The following HPS5 variants were observed in gnomAD, a reference collection of about 807,000 sequenced individuals.
HPS5 encodes the protein HPS5 biogenesis of lysosomal organelles complex 2 subunit 2.
Under a neutral mutation model 128.0 loss-of-function variants are expected in HPS5, and 83 were observed. That is an observed-to-expected ratio of 0.65 (90% CI 0.54 to 0.78). The LOEUF (loss-of-function observed/expected upper bound fraction) is 0.78. Among genes scored for constraint, HPS5 ranks in the 30% least tolerant of loss-of-function variants. The pLI is 0.00. For synonymous variants in HPS5, 475 were observed against 470.2 expected, an observed-to-expected ratio of 1.01 and a Z score of -0.13; for missense variants, 1,281 against 1,326.2, an observed-to-expected ratio of 0.97 and a Z score of 0.53.
chr11:18,317,510 C>T (rs1257174571), intron 2 of HPS5, among the ~76,000 whole-genome samples: 1 of 152,112 alleles, frequency 6.6e-6, no homozygotes, highest in African/African-American at 2.4e-5. Context: ...CCCACCTCAG[C>T]CTCCCAAAGT....
At chr11:18,280,867 G>A (rs1858808114) in intron 22 of HPS5, among the ~76,000 whole-genome samples, 1 of 152,184 alleles carries the variant, frequency 6.6e-6, no homozygotes, top group Admixed American at 6.5e-5. Flanking sequence ...GTAGAACTGT[G>A]GTTGCCAGGG....
chr11:18,314,760 G>C (rs1366858378), intron 2 of HPS5, among the ~76,000 whole-genome samples: 3 of 151,964 alleles, frequency 2.0e-5, no homozygotes, highest in Admixed American at 6.6e-5. Context: ...GAATGCAGTG[G>C]AGCTATCACA....
Position 18,308,967 on chromosome 11 carries a change from G to A in HPS5, c.590C>T (p.Ser197Phe). Residue 197 changes from serine to phenylalanine, a missense_variant, in exon 6 of 23, where the codon TCC becomes TTC. By Grantham distance (155) the Ser-to-Phe change is radical. Coordinates refer to ENST00000349215, the MANE Select transcript of HPS5 (RefSeq NM_181507.2). ...ATACCTCTCAGTGTCACACAAGAAG[G>A]ATCGAGTAAGTGAAGATATAAGTAG... is the stretch of plus-strand genomic sequence containing the variant. ...GRLLISSLTR[S>F]FLCDTEREKF... 1 of 1,614,042 alleles carries A rather than the reference G, an allele frequency of 6.2e-7. No individual in the cohort carries two copies. Among genetic ancestry groups the A allele is most frequent in the Non-Finnish European group, 8.5e-7 (1 of 1,179,938 alleles).
In HPS5 at chr11:18,282,100, AT is replaced by A. The variant is rs780126821; in HGVS notation, c.3178del (p.Ile1060SerfsTer10). Reference sequence around the variant, plus strand: ...CAGAAGTGCCACATTCTCCACATTGATGGGGGAAGGCCCATCACTGAGGCTC... The same window carrying A: ...CAGAAGTGCCACATTCTCCACATTGAGGGGGAAGGCCCATCACTGAGGCTC... ...NGSLSDGPSP[I>X]NVENVALLLA... is the part of the protein sequence containing the mutation. On this transcript the variant is annotated frameshift_variant, in exon 22 of 23. Transcript: ENST00000349215. LOFTEE classifies it high-confidence loss of function. 6.2e-7 allele frequency: 1 copy of A among 1,614,090 alleles called. No individual in the cohort carries two copies. The highest frequency in any genetic ancestry group is 8.5e-7 in the Non-Finnish European group (1 of 1,180,008).
Position 18,306,353 on chromosome 11 carries a change from A to T in HPS5, c.612-6T>A. ...CAATTTTCCAAAACTTTTCTCTAAC[A>T]TCCAGAAAGGAAGAGAAAGCAGATT... On this transcript the variant is annotated splice_region_variant and splice_polypyrimidine_tract_variant and intron_variant, in intron 6 of 22. Transcript: ENST00000349215. The T allele has an allele frequency of 3.1e-6, 5 of 1,602,762 alleles. No homozygotes were observed. Among genetic ancestry groups the T allele is most frequent in the Non-Finnish European group, 4.3e-6 (5 of 1,169,784 alleles).
rs201951687 is a variant in HPS5, at chr11:18,296,064, C to G, written c.1569G>C (p.Pro523=). 3.1e-6 allele frequency: 5 copies of G among 1,613,108 alleles called. No homozygotes were observed. In the Admixed American group the frequency reaches 8.3e-5, roughly 27 times the overall value. ...FETDKNETFL[P]FGIPLPFRSP... ...AACGAAATGGTAATGGAATGCCGAA[C>G]GGGAGAAAAGTTTCATTCTTATCTG... The change falls in exon 13 of 23, where the codon CCG becomes CCC. Residue 523 remains proline, a synonymous_variant. Transcript: ENST00000349215.
At chr11:18,289,645 C>T (rs1047341782) in intron 16 of HPS5, among the ~76,000 whole-genome samples, 1 of 152,014 alleles carries the variant, frequency 6.6e-6, no homozygotes, top group African/African-American at 2.4e-5. Flanking sequence ...AACTATAGAT[C>T]CATGTTTCTA....
At chr11:18,280,693 A>G (rs1207742290) in intron 22 of HPS5, 2 of 621,400 alleles carry the variant, frequency 3.2e-6, no homozygotes, top group East Asian at 2.9e-5. Context: ...ATACAACGGA[A>G]TATTATTCAG....
rs532068307 is a variant in HPS5, at chr11:18,287,766, T to C, written c.2562-76A>G. On this transcript the variant is annotated intron_variant, in intron 17 of 22. Transcript: ENST00000349215. ...AACTTGGTTACATTTAGGTTACTTA[T>C]TACAAATGAAAATAAATATACTAAC... 12 of 1,590,004 alleles carry C rather than the reference T, an allele frequency of 7.5e-6. 1 individual carries two copies. In the South Asian group the frequency reaches 7.8e-5, roughly 10 times the overall value.
intron 5 of HPS5, 142 bp from the exon 6 acceptor site, chr11:18,309,221 G>T: frequency 6.4e-6 from 5 of 779,454 alleles, no homozygotes; most frequent in South Asian, 1.7e-5. Flanking sequence ...TTGCTTGTAA[G>T]GATATCAAAG....
At chr11:18,293,631 T>G (rs1289789813) in intron 14 of HPS5, among the ~76,000 whole-genome samples, 1 of 152,092 alleles carries the variant, frequency 6.6e-6, no homozygotes, top group Non-Finnish European at 1.5e-5. Flanking sequence ...AAAGAGTAAG[T>G]TGAACACCAA....
chr11:18,291,296 G>C, intron 16 of HPS5, 146 bp downstream of exon 16: 1 of 541,476 alleles, frequency 1.8e-6, no homozygotes, highest in Non-Finnish European at 3.3e-6. Context: ...ACTATTAAAA[G>C]TTAAAATGAA....
In HPS5 at chr11:18,297,694, A is replaced by G. The variant is rs541990664; in HGVS notation, c.1188T>C (p.Asp396=). The G allele has an allele frequency of 9.9e-6, 16 of 1,614,144 alleles. No individual in the cohort carries two copies. Among genetic ancestry groups the G allele is most frequent in the African/African-American group, 8.0e-5 (6 of 75,074 alleles). ...ASRARKTLTA[D]KLEHLKSQLD... is the part of the protein sequence containing the mutation. ...GCTGAGATTTCAAATGCTCCAATTTATCTGCAGTCAAAGTTTTTCTTGCCT... is the reference window on the plus strand; with the variant it reads ...GCTGAGATTTCAAATGCTCCAATTTGTCTGCAGTCAAAGTTTTTCTTGCCT... Residue 396 remains aspartate (D), a synonymous_variant, in exon 11 of 23, where the codon GAT becomes GAC. Coordinates refer to ENST00000349215, the MANE Select transcript of HPS5 (RefSeq NM_181507.2).
chr11:18,313,071 A>G (rs1279846063), intron 2 of HPS5, among the ~76,000 whole-genome samples: 4 of 152,350 alleles, frequency 2.6e-5, no homozygotes, highest in East Asian at 1.9e-4. Context: ...GGGCAGTAGC[A>G]AAAGTATAAA....
chr11:18,314,977 G>T (rs1863447537), intron 2 of HPS5, among the ~76,000 whole-genome samples: 1 of 152,162 alleles, frequency 6.6e-6, no homozygotes, highest in Non-Finnish European at 1.5e-5. Context: ...TGGGATTACA[G>T]GCATGAGCCA....
At chr11:18,280,741 A>T (rs1564920966) in intron 22 of HPS5, 1 of 544,244 alleles carries the variant, frequency 1.8e-6, no homozygotes, top group Admixed American at 3.4e-5. Context: ...ATGCTACAAC[A>T]TGGATAAACC....
intron 14 of HPS5, 91 bp downstream of exon 14, chr11:18,294,929 G>GC: frequency 1.4e-6 from 2 of 1,390,760 alleles, no homozygotes; most frequent in Non-Finnish European, 2.0e-6. Flanking sequence ...AGGCCCACGG[G>GC]CCACAGGCTG....
At chr11:18,314,494 A>C (rs1863382982) in intron 2 of HPS5, 3 of 152,136 alleles carry the variant, frequency 2.0e-5, no homozygotes, top group Admixed American at 2.0e-4. Flanking sequence ...GTGCCACTGT[A>C]CTCCATCCTG....
intron 22 of HPS5, among the ~76,000 whole-genome samples, chr11:18,281,502 C>A (rs1216087409): frequency 3.3e-5 from 5 of 151,706 alleles, no homozygotes; most frequent in African/African-American, 1.2e-4. Context: ...CGAGTTCAAG[C>A]GATTCTCCTG....
Sources: gnomAD v4.1 joint callset for allele counts (sites outside exome capture counted in the v4.1 genomes callset) on GRCh38, gnomAD v4.1.1 for gene constraint, MANE v1.5 for transcripts, NCBI Gene and HGNC (gene_info 2026-07-23, HGNC 2026-07-21) for gene names.